Variants in SGO1 observed in about 807,000 individuals in gnomAD.
SGO1 encodes shugoshin 1.
SGO1 carries 39 observed loss-of-function variants against 50.5 expected under a neutral mutation model. That is an observed-to-expected ratio of 0.77 (90% CI 0.60 to 1.01). The LOEUF (loss-of-function observed/expected upper bound fraction) is 1.01, where lower values mean the gene tolerates loss of function less well. SGO1 is among the 50% of genes least tolerant of loss of function. The probability of loss-of-function intolerance (pLI) is 0.00; values close to 1 mark genes in which losing one functional copy is unlikely to be tolerated. For synonymous variants in SGO1, 191 were observed against 205.1 expected, an observed-to-expected ratio of 0.93 and a Z score of 0.59; for missense variants, 638 against 606.0, an observed-to-expected ratio of 1.05 and a Z score of -0.55.
chr3:20,175,029 T>C lies in SGO1; in HGVS notation c.502A>G (p.Thr168Ala). Residue 168 changes from threonine (T) to alanine (A), a missense_variant, in exon 6 of 8, where the codon ACA becomes GCA. Physicochemically the swap from Thr to Ala is moderately conservative, Grantham distance 58. Transcript: ENST00000412997. ...CCTGAATCAAAATCAACTCCCAGTG[T>C]GTCTTGAGGAATAGTAGGTATCTGA... ...EDQIPTIPQD[T>A]LGVDFDSGEA... 1.3e-6 allele frequency: 2 copies of C among 1,565,240 alleles called. No homozygotes were observed. The highest frequency in any genetic ancestry group is 1.7e-6 in the Non-Finnish European group (2 of 1,154,764).
At chr3:20,181,357 A>G (rs904179555) in intron 3 of SGO1, among the ~76,000 whole-genome samples, 3 of 152,242 alleles carry the variant, frequency 2.0e-5, no homozygotes, top group Admixed American at 6.5e-5. Flanking sequence ...AACTATTGCT[A>G]GGGCTAGGCA....
At chr3:20,180,913 T>C (rs1468887512) in intron 3 of SGO1, among the ~76,000 whole-genome samples, 3 of 152,174 alleles carry the variant, frequency 2.0e-5, no homozygotes, top group African/African-American at 7.2e-5. Flanking sequence ...GATTGCTTGA[T>C]ACCAGGAGCT....
downstream of SGO1, among the ~76,000 whole-genome samples, chr3:20,168,476 G>A (rs1700422945): frequency 6.7e-6 from 1 of 149,470 alleles, no homozygotes; most frequent in African/African-American, 2.5e-5. Flanking sequence ...CTATTCTTAG[G>A]TTGAAGACCA....
chr3:20,167,473 T>TA (rs1303348963), downstream of SGO1, among the ~76,000 whole-genome samples: 2 of 152,056 alleles, frequency 1.3e-5, no homozygotes, highest in Non-Finnish European at 2.9e-5. Flanking sequence ...GTAGACTATA[T>TA]AAAAAATCCA....
chr3:20,169,279 G>A (rs1700485999), downstream of SGO1: 1 of 985,112 alleles, frequency 1.0e-6, no homozygotes, highest in Non-Finnish European at 1.2e-6. Flanking sequence ...GGAGAGAGAA[G>A]TGTTAGGTTG....
Position 20,183,646 on chromosome 3 carries a change from C to T in SGO1, c.301G>A (p.Gly101Arg). The T allele has an allele frequency of 1.3e-6, 2 of 1,599,000 alleles. No individual in the cohort carries two copies. Among genetic ancestry groups the T allele is most frequent in the Non-Finnish European group, 1.7e-6 (2 of 1,176,006 alleles). Residue 101 changes from glycine (G) to arginine (R), a missense_variant, in exon 3 of 8, where the codon GGA becomes AGA. Gly to Arg is a moderately radical substitution (Grantham distance 125). Coordinates refer to ENST00000412997, the MANE Select transcript of SGO1 (RefSeq NM_001199251.3). ...YLTCQLYALK[G>R]KLTSQQTVEP... ...ACTGTTTGTTGTGATGTAAGTTTTC[C>T]TTTCAATGCATATAGCTGACATGTG...
Position 20,174,966 on chromosome 3 carries a change from C to T in SGO1, c.565G>A (p.Val189Ile), listed in dbSNP as rs1001857462. ...TTCTTTAAACTGCTACGAACAGATA[C>T]AGTTCTAGGTAAGACATTATCAGTA... The part of the protein sequence containing the change: ...KSTDNVLPRT[V>I]SVRSSLKKHC... Residue 189 changes from valine to isoleucine, a missense_variant, in exon 6 of 8, where the codon GTA (valine) becomes ATA (isoleucine). By Grantham distance (29) the Val-to-Ile change is conservative. Transcript: ENST00000412997. The T allele has an allele frequency of 3.7e-6, 6 of 1,613,848 alleles. No homozygotes were observed. The highest frequency in any genetic ancestry group is 3.3e-4 in the Middle Eastern group (2 of 6,060).
chr3:20,170,535 C>G lies in SGO1; in HGVS notation c.*169G>C. On this transcript the variant is annotated 3_prime_UTR_variant, in exon 8 of 8. Transcript: ENST00000412997. Reference sequence around the variant, plus strand: ...AATTAAATTTATTAAAGTTTTAATACAAAGCATCCCATTTGAAGTATAGTT... The same window carrying G: ...AATTAAATTTATTAAAGTTTTAATAGAAAGCATCCCATTTGAAGTATAGTT... 1 of 1,226,934 alleles carries G rather than the reference C, an allele frequency of 8.2e-7. No individual in the cohort carries two copies. The highest frequency in any genetic ancestry group is 1.0e-6 in the Non-Finnish European group (1 of 982,414). 76.0% of individuals were successfully genotyped at this position (1,226,934 alleles called of 1,614,324 possible).
chr3:20,169,601 T>C lies in SGO1; in HGVS notation c.*1103A>G, dbSNP rs1241501163. The stretch of plus-strand genomic sequence containing the variant: ...TCTAAACTGAACTAATTCGCTTTCA[T>C]TGGTTGGTCAAAAATATGCAAAAAC... On this transcript the variant is annotated 3_prime_UTR_variant, in exon 8 of 8. Coordinates refer to ENST00000412997, the MANE Select transcript of SGO1 (RefSeq NM_001199251.3). 11 of 985,158 alleles carry C rather than the reference T, an allele frequency of 1.1e-5. No homozygotes were observed. Among genetic ancestry groups the C allele is most frequent in the Non-Finnish European group, 1.3e-5 (11 of 829,802 alleles). 61.0% of individuals were successfully genotyped at this position (985,158 alleles called of 1,614,324 possible).
downstream of SGO1, among the ~76,000 whole-genome samples, chr3:20,167,575 A>C (rs1273462828): frequency 6.6e-6 from 1 of 152,218 alleles, no homozygotes; most frequent in East Asian, 1.9e-4. Context: ...TCTCATAAAT[A>C]AATCAATCAG....
chr3:20,184,972 TCA>T (rs1702465655), intron 1 of SGO1, among the ~76,000 whole-genome samples: 1 of 152,228 alleles, frequency 6.6e-6, no homozygotes, highest in Non-Finnish European at 1.5e-5. Flanking sequence ...CACAGAATTT[TCA>T]CTACAAAGGA....
rs1233282959 is a variant in SGO1, at chr3:20,183,973, T to C, written c.55A>G (p.Lys19Glu). Residue 19 changes from lysine (K) to glutamate (E), a missense_variant, in exon 2 of 8, where the codon AAG becomes GAG. Physicochemically the swap from Lys to Glu is moderately conservative, Grantham distance 56. Coordinates refer to ENST00000412997, the MANE Select transcript of SGO1 (RefSeq NM_001199251.3). ...TTCCTTTTCTCTTTCATTCGCTTCTTTATGTCTTCAAGACTATCTTGAAAG... is the reference window on the plus strand; with the variant it reads ...TTCCTTTTCTCTTTCATTCGCTTCTCTATGTCTTCAAGACTATCTTGAAAG... The part of the protein sequence containing the change: ...KSFQDSLEDI[K>E]KRMKEKRNKN... 2.5e-6 allele frequency: 4 copies of C among 1,612,608 alleles called. No individual in the cohort carries two copies. The highest frequency in any genetic ancestry group is 2.2e-5 in the East Asian group (1 of 44,796).
chr3:20,184,152 T>C, intron 1 of SGO1, 118 bp from the exon 2 acceptor site: 1 of 693,424 alleles, frequency 1.4e-6, no homozygotes. Flanking sequence ...TAGCTCAAAG[T>C]AGATAGTTAA....
chr3:20,172,949 G>A (rs1345311958), intron 6 of SGO1, among the ~76,000 whole-genome samples: 1 of 152,102 alleles, frequency 6.6e-6, no homozygotes, highest in East Asian at 1.9e-4. Flanking sequence ...CGAGGTGATA[G>A]AGCAAGACCC....
chr3:20,178,167 T>C (rs1386336806), intron 4 of SGO1, 104 bp downstream of exon 4: 1 of 813,276 alleles, frequency 1.2e-6, no homozygotes, highest in African/African-American at 1.7e-5. Context: ...AGCAACAGAC[T>C]ACAAATATAA....
intron 6 of SGO1, 24 bp downstream of exon 6, chr3:20,174,225 C>G (rs766543812): frequency 6.5e-7 from 1 of 1,540,964 alleles, no homozygotes; most frequent in South Asian, 1.1e-5. Flanking sequence ...ATTAAAAATA[C>G]AGGTAAACAA....
Position 20,174,397 on chromosome 3 carries a change from G to C in SGO1, c.1134C>G (p.Ser378=). The C allele has an allele frequency of 6.2e-7, 1 of 1,614,078 alleles. No individual in the cohort carries two copies. Among genetic ancestry groups the C allele is most frequent in the Non-Finnish European group, 8.5e-7 (1 of 1,180,016 alleles). The part of the protein sequence containing the change: ...LCESSGSGDD[S]DDLYLPTCKY... The stretch of plus-strand genomic sequence containing the variant: ...TGCAAGTGGGCAAATAGAGGTCATC[G>C]GAATCATCTCCTGAACCACTTGATT... Residue 378 remains serine (S), a synonymous_variant, in exon 6 of 8, where the codon TCC becomes TCG. Coordinates refer to ENST00000412997, the MANE Select transcript of SGO1 (RefSeq NM_001199251.3).
chr3:20,183,017 C>CAA (rs879418547), intron 3 of SGO1, among the ~76,000 whole-genome samples: 13 of 134,580 alleles, frequency 9.7e-5, no homozygotes, highest in African/African-American at 3.0e-4. Context: ...GACGCCGTCT[C>CAA]AAAAAAAAAA....
intron 3 of SGO1, among the ~76,000 whole-genome samples, chr3:20,179,864 T>A (rs1471431179): frequency 6.6e-6 from 1 of 152,148 alleles, no homozygotes; most frequent in East Asian, 1.9e-4. Context: ...GTATGTCAAG[T>A]AAAGAGTGGT....
Sources: allele counts gnomAD v4.1 joint callset (sites outside exome capture counted in the v4.1 genomes callset), GRCh38; gene constraint gnomAD v4.1.1; transcripts MANE v1.5; gene names NCBI Gene and HGNC (gene_info 2026-07-23, HGNC 2026-07-21).